The following CARS2 variants were observed in gnomAD, a reference collection of about 807,000 sequenced individuals.
CARS2 encodes the protein cysteinyl-tRNA synthetase 2, mitochondrial.
CARS2 carries 52 observed loss-of-function variants against 68.8 expected under a neutral mutation model. That is an observed-to-expected ratio of 0.76 (90% CI 0.61 to 0.95). CARS2 has a LOEUF of 0.95. CARS2 is among the 40% of genes least tolerant of loss of function. The pLI, the probability that CARS2 is intolerant of heterozygous loss-of-function variation, is 0.00. For synonymous variants in CARS2, 314 were observed against 303.6 expected (o/e 1.03, Z -0.36); for missense variants, 780 against 754.2 (o/e 1.03, Z -0.40).
intron 3 of CARS2, among the ~76,000 whole-genome samples, chr13:110,691,800 T>A (rs2063466301): frequency 6.6e-6 from 1 of 151,804 alleles, no homozygotes; most frequent in East Asian, 1.9e-4. Context: ...AAGCCACAGA[T>A]AACAGATCAG....
chr13:110,669,833 T>A (rs1269002589), intron 7 of CARS2, among the ~76,000 whole-genome samples: 1 of 152,222 alleles, frequency 6.6e-6, no homozygotes, highest in Non-Finnish European at 1.5e-5. Context: ...TGACAGACGG[T>A]ACCTGGAAAA....
At chr13:110,709,337 G>A (rs1250651124), upstream of CARS2, among the ~76,000 whole-genome samples, 6 of 151,722 alleles carry the variant, frequency 4.0e-5, no homozygotes, top group Non-Finnish European at 5.9e-5. Context: ...CAGGTGATCC[G>A]CCCACCTCGG....
intron 3 of CARS2, among the ~76,000 whole-genome samples, chr13:110,690,777 C>T (rs549368702): frequency 6.6e-6 from 1 of 152,344 alleles, no homozygotes; most frequent in African/African-American, 2.4e-5. Flanking sequence ...CTACACCCGA[C>T]CAGCAACACC....
intron 14 of CARS2, 150 bp downstream of exon 14, chr13:110,642,165 C>G: frequency 3.0e-6 from 2 of 661,520 alleles, no homozygotes; most frequent in South Asian, 3.7e-5. Flanking sequence ...CGAGATCACG[C>G]CATTGCACTC....
chr13:110,712,925 C>T (rs1228591966), intron 1 of CARS2: 4 of 1,555,342 alleles, frequency 2.6e-6, no homozygotes, highest in South Asian at 2.4e-5. Context: ...ACGGATGGCG[C>T]AGGCGCGGGA....
intron 5 of CARS2, among the ~76,000 whole-genome samples, chr13:110,686,273 G>A (rs1039356167): frequency 2.7e-5 from 4 of 146,214 alleles, no homozygotes; most frequent in South Asian, 2.1e-4. Flanking sequence ...ACAAGGTCTC[G>A]CTCTGTCTCC....
At chr13:110,644,794 G>A (rs1594211604) in intron 12 of CARS2, 2 of 301,372 alleles carry the variant, frequency 6.6e-6, no homozygotes, top group Non-Finnish European at 1.3e-5. Context: ...TGGAGGCTGA[G>A]TGGGCACTGG....
In CARS2 at chr13:110,666,847, T is replaced by C. The variant is rs925486072; in HGVS notation, c.919+493A>G. The C allele has an allele frequency of 7.1e-6, 7 of 985,306 alleles. No individual in the cohort carries two copies. The East Asian group carries it at 7.9e-4, about 112-fold the overall frequency. 61.0% of individuals were successfully genotyped at this position (985,306 alleles called of 1,614,324 possible). On this transcript the variant is annotated intron_variant, in intron 8 of 14. Transcript: ENST00000257347. ...AAACTTGGAAATACGACTCTTCCAG[T>C]GCATCCAAGTGAATTCCAAAACTGC...
exon 1 of CARS2, chr13:110,713,490 G>A (rs1000849177): frequency 2.0e-6 from 2 of 987,488 alleles, no homozygotes; most frequent in African/African-American, 3.5e-5. Context: ...CCCTGACGCT[G>A]TCCCCTCCGC....
rs1052359973 is a variant in CARS2 at position 110,651,048 on chromosome 13, C to A, written c.1040G>T (p.Ser347Ile). ...PDVFRFFCLR[S>I]SYRSAIDYSD... ...GCTCGGCTCACCTGAGCGGTAGCTG[C>A]TCCGCAGGCAGAAGAACCGGAAGAC... is the stretch of plus-strand genomic sequence containing the variant. The change falls in exon 10 of 15, where the codon AGC becomes ATC. Residue 347 changes from serine to isoleucine, a missense_variant. By Grantham distance (142) the Ser-to-Ile change is moderately radical (BLOSUM62 -2). Transcript: ENST00000257347. The A allele has an allele frequency of 6.2e-7, 1 of 1,613,290 alleles. No individual in the cohort carries two copies.
Position 110,646,027 on chromosome 13 carries a change from C to T in CARS2, c.1257G>A (p.Val419=), listed in dbSNP as rs774758878. 3 of 1,613,750 alleles carry T rather than the reference C, an allele frequency of 1.9e-6. No individual in the cohort carries two copies. The highest frequency in any genetic ancestry group is 2.2e-5 in the East Asian group (1 of 44,842). ...ALADDFDTPR[V]VDAILGLAHH... The stretch of plus-strand genomic sequence containing the variant: ...GTGCAAGGCCCAGGATGGCATCAAC[C>T]ACCCTGGGTGTGTCAAAATCATCTG... The change falls in exon 12 of 15, where the codon GTG becomes GTA. Residue 419 remains valine (V), a synonymous_variant. Coordinates refer to ENST00000257347, the MANE Select transcript of CARS2 (RefSeq NM_024537.4).
intron 8 of CARS2, chr13:110,666,314 T>C (rs1453831374): frequency 8.1e-6 from 8 of 985,272 alleles, no homozygotes. Flanking sequence ...GGATTTCAGC[T>C]AGTGCTGAGC....
exon 1 of CARS2, chr13:110,713,366 G>A (rs777275617): frequency 1.3e-4 from 143 of 1,065,028 alleles, no homozygotes; most frequent in Non-Finnish European, 1.6e-4. Context: ...AGCGAAGCAG[G>A]CCGCTCCCCT....
At chr13:110,699,611 A>G (rs1257548205) in intron 3 of CARS2, among the ~76,000 whole-genome samples, 1 of 152,252 alleles carries the variant, frequency 6.6e-6, no homozygotes, top group African/African-American at 2.4e-5. Context: ...CTTGTATGCT[A>G]AACCACAGTG....
At chr13:110,646,134 T>C (rs1888085536) in intron 11 of CARS2, 44 bp from the exon 12 acceptor site, 4 of 1,585,734 alleles carry the variant, frequency 2.5e-6, no homozygotes, top group Non-Finnish European at 3.4e-6. Flanking sequence ...GGAGCTCCAC[T>C]CTCCCCAGGC....
intron 10 of CARS2, chr13:110,648,751 G>A (rs950767590): frequency 3.3e-5 from 5 of 152,274 alleles, no homozygotes; most frequent in Non-Finnish European, 5.9e-5. Flanking sequence ...CTGGGAATGT[G>A]TTCCTGAAAG....
rs777089715 is a variant in CARS2 at position 110,644,480 on chromosome 13, G to T, written c.1321C>A (p.Pro441Thr). The change falls in exon 13 of 15, where the codon CCT (proline) becomes ACT (threonine). Residue 441 changes from proline to threonine, a missense_variant. Pro to Thr is a conservative substitution (Grantham distance 38, BLOSUM62 -1). Coordinates refer to ENST00000257347, the MANE Select transcript of CARS2 (RefSeq NM_024537.4). ...ACAGCAGGACTTCTCGGCCCTTCAG[G>T]TTCCTGTAAGAGATCATGTCGCAGA... ...NGQLRASLKE[P>T]EGPRSPAVFG... 9.9e-6 allele frequency: 16 copies of T among 1,613,856 alleles called. No individual in the cohort carries two copies. The highest frequency in any genetic ancestry group is 1.3e-5 in the African/African-American group (1 of 74,910).
Position 110,651,541 on chromosome 13 carries a change from C to T in CARS2, c.988-441G>A, listed in dbSNP as rs557902569. ...AGAAGCTTGCGGTGAACGTCAGACCCGGCTGACCTCCAGCTCAGCCCAGCC... is the reference window on the plus strand; with the variant it reads ...AGAAGCTTGCGGTGAACGTCAGACCTGGCTGACCTCCAGCTCAGCCCAGCC... On this transcript the variant is annotated intron_variant, in intron 9 of 14. Transcript: ENST00000257347. 1.1e-4 allele frequency among the ~76,000 whole-genome samples: 16 copies of T among 152,312 alleles called. No homozygotes were observed. The South Asian group carries it at 1.2e-3, about 12-fold the overall frequency.
intron 6 of CARS2, among the ~76,000 whole-genome samples, chr13:110,678,666 C>G (rs374604391): frequency 6.6e-6 from 1 of 152,182 alleles, no homozygotes; most frequent in South Asian, 2.1e-4. Context: ...ACAGAAAATG[C>G]GGCCAAGGAC....
Sources: allele counts gnomAD v4.1 joint callset (sites outside exome capture counted in the v4.1 genomes callset), GRCh38; gene constraint gnomAD v4.1.1; transcripts MANE v1.5; gene names NCBI Gene and HGNC (gene_info 2026-07-23, HGNC 2026-07-21).